Variants in PTDSS1 observed in about 807,000 individuals in gnomAD.
The protein encoded by PTDSS1 is PSS-1.
Under a neutral mutation model 70.5 loss-of-function variants are expected in PTDSS1, and 45 were observed. The observed-to-expected ratio is 0.64, with a 90% CI of 0.50 to 0.82. The LOEUF (loss-of-function observed/expected upper bound fraction) is 0.82. Among genes scored for constraint, PTDSS1 ranks in the 40% least tolerant of loss-of-function variants. The pLI, the probability that PTDSS1 is intolerant of heterozygous loss-of-function variation, is 0.00. For missense variants in PTDSS1, 417 were observed against 586.1 expected (o/e 0.71, Z 2.98); for synonymous variants, 188 against 203.8 (o/e 0.92, Z 0.66).
At chr8:96,303,028 G>A (rs753017449) in intron 6 of PTDSS1, among the ~76,000 whole-genome samples, 1 of 152,078 alleles carries the variant, frequency 6.6e-6, no homozygotes. Flanking sequence ...CCTATTGGTG[G>A]TTTTTTTAAA....
intron 10 of PTDSS1, among the ~76,000 whole-genome samples, chr8:96,329,849 C>T (rs569247769): frequency 2.3e-3 from 351 of 152,202 alleles, no homozygotes; most frequent in Non-Finnish European, 3.5e-3. Context: ...ATGGGGAAGC[C>T]GGGAGAGAAT....
intron 1 of PTDSS1, among the ~76,000 whole-genome samples, chr8:96,270,304 ACTCATGTGGACT>A (rs1023028134): frequency 2.0e-5 from 3 of 151,968 alleles, no homozygotes; most frequent in Non-Finnish European, 4.4e-5. Flanking sequence ...TTTGGGGTCC[ACTCATGTGGACT>A]CTGCAGCCAA....
intron 1 of PTDSS1, among the ~76,000 whole-genome samples, chr8:96,263,655 G>A (rs997067727): frequency 6.6e-6 from 1 of 152,208 alleles, no homozygotes; most frequent in African/African-American, 2.4e-5. Flanking sequence ...CAGAACATGT[G>A]TAGGGATATA....
rs1194725103 is a variant in PTDSS1 at position 96,335,651 on chromosome 8, T to C, written c.*2085T>C. The stretch of plus-strand genomic sequence containing the variant: ...CAGCCAGGAAAGTTCTCAGATACTT[T>C]CCATGCCCTTTCTTTGAGTTGAAAC... On this transcript the variant is annotated 3_prime_UTR_variant, in exon 13 of 13. Coordinates refer to ENST00000517309, the MANE Select transcript of PTDSS1 (RefSeq NM_014754.3). The C allele has an allele frequency of 6.6e-6, 1 of 152,326 alleles. No homozygotes were observed. Among genetic ancestry groups the C allele is most frequent in the Non-Finnish European group, 1.5e-5 (1 of 68,030 alleles). The allele number at this position is 152,326 out of a possible 1,614,324, so 9.4% of individuals were successfully genotyped here. A position where few individuals can be genotyped will look rare whatever the true frequency, so the allele number is the denominator to read the frequency against.
At chr8:96,278,972 CTT>C (rs36085094) in intron 2 of PTDSS1, among the ~76,000 whole-genome samples, 13 of 122,620 alleles carry the variant, frequency 1.1e-4, no homozygotes, top group East Asian at 2.3e-4. Context: ...TTCAGCCCCC[CTT>C]TTTTTTTTTT....
chr8:96,308,092 G>A (rs143684017), intron 8 of PTDSS1, among the ~76,000 whole-genome samples: 234 of 152,348 alleles, frequency 1.5e-3, no homozygotes, highest in African/African-American at 5.3e-3. Context: ...TTTAGCAAAT[G>A]TTAGGTCCCG....
chr8:96,326,281 C>T (rs1811437015), intron 10 of PTDSS1, among the ~76,000 whole-genome samples: 2 of 152,204 alleles, frequency 1.3e-5, no homozygotes, highest in Admixed American at 1.3e-4. Context: ...ATGCTCTGAC[C>T]TCCAAGGCAA....
At chr8:96,290,870 ATATT>A (rs1279976634) in intron 4 of PTDSS1, among the ~76,000 whole-genome samples, 2 of 147,426 alleles carry the variant, frequency 1.4e-5, no homozygotes, top group Admixed American at 1.4e-4. Flanking sequence ...TATAATATAA[ATATT>A]CATAAAATAT....
chr8:96,315,568 T>C (rs1811276255), intron 9 of PTDSS1, among the ~76,000 whole-genome samples: 1 of 152,178 alleles, frequency 6.6e-6, no homozygotes, highest in Admixed American at 6.5e-5. Context: ...CTCCTGACTC[T>C]GGGCTCTACA....
chr8:96,331,572 C>T (rs1811516695), intron 12 of PTDSS1, among the ~76,000 whole-genome samples: 1 of 147,638 alleles, frequency 6.8e-6, no homozygotes, highest in Admixed American at 6.7e-5. Flanking sequence ...AAGACTCTGT[C>T]TCAAAAAAAA....
chr8:96,298,314 A>G (rs1230038983), intron 5 of PTDSS1, among the ~76,000 whole-genome samples: 1 of 152,170 alleles, frequency 6.6e-6, no homozygotes, highest in Non-Finnish European at 1.5e-5. Context: ...TTTCATGAAT[A>G]CTGTTTTATC....
At chr8:96,290,044 G>A (rs968163765) in intron 4 of PTDSS1, among the ~76,000 whole-genome samples, 3 of 152,030 alleles carry the variant, frequency 2.0e-5, no homozygotes, top group African/African-American at 2.4e-5. Context: ...CATAAGCCTC[G>A]TGCATGCATG....
rs183691136 is a variant in PTDSS1, at chr8:96,325,688, T to A, written c.1174-4525T>A. On this transcript the variant is annotated intron_variant, in intron 10 of 12. Transcript: ENST00000517309. ...ATTCTCCATGCTGCTGTCAAAATGA[T>A]CTTCCAAAATTCAGAACTCAATCTC... 2.6e-5 allele frequency among the ~76,000 whole-genome samples: 4 copies of A among 152,316 alleles called. No individual in the cohort carries two copies. The East Asian group carries it at 7.7e-4, about 29-fold the overall frequency.
Position 96,333,509 on chromosome 8 carries a change from C to G in PTDSS1, c.1365C>G (p.Ser455=). Reference sequence around the variant, plus strand: ...CAGGCAACAACGAAAGCCATTCTTCCAGGAGAAGGAATCGGCATTCCAAGT... The same window carrying G: ...CAGGCAACAACGAAAGCCATTCTTCGAGGAGAAGGAATCGGCATTCCAAGT... ...KHAGNNESHS[S]RRRNRHSKSK... is the part of the protein sequence containing the mutation. The change falls in exon 13 of 13, where the codon TCC becomes TCG. Residue 455 remains serine, a synonymous_variant. Transcript: ENST00000517309. 1 of 1,614,072 alleles carries G rather than the reference C, an allele frequency of 6.2e-7. No individual in the cohort carries two copies. The highest frequency in any genetic ancestry group is 8.5e-7 in the Non-Finnish European group (1 of 1,179,988).
intron 6 of PTDSS1, among the ~76,000 whole-genome samples, chr8:96,301,121 A>AC (rs1451713112): frequency 1.3e-5 from 2 of 151,200 alleles, no homozygotes; most frequent in African/African-American, 4.9e-5. Context: ...CCATTTTGTC[A>AC]CCCCCTTTTT....
At chr8:96,331,534 C>T (rs1044738042) in intron 12 of PTDSS1, among the ~76,000 whole-genome samples, 6 of 150,774 alleles carry the variant, frequency 4.0e-5, no homozygotes, top group Admixed American at 2.0e-4. Flanking sequence ...GTCTCAAAAC[C>T]ACGGCACTCC....
At chr8:96,303,537 C>T (rs1384095779) in intron 6 of PTDSS1, among the ~76,000 whole-genome samples, 4 of 152,128 alleles carry the variant, frequency 2.6e-5, no homozygotes, top group Non-Finnish European at 1.5e-5. Context: ...GAATCTGCAC[C>T]CACTCCTCAT....
intron 2 of PTDSS1, among the ~76,000 whole-genome samples, chr8:96,278,168 T>A (rs1367415257): frequency 6.6e-6 from 1 of 152,228 alleles, no homozygotes; most frequent in East Asian, 1.9e-4. Flanking sequence ...TAGAGACCCC[T>A]TTTCTAGCAA....
intron 10 of PTDSS1, among the ~76,000 whole-genome samples, chr8:96,326,084 G>A (rs536110439): frequency 1.3e-5 from 2 of 152,258 alleles, no homozygotes; most frequent in South Asian, 4.2e-4. Flanking sequence ...CATCACATCT[G>A]CCCACGTGTA....
Sources: allele counts gnomAD v4.1 joint callset (sites outside exome capture counted in the v4.1 genomes callset), GRCh38; gene constraint gnomAD v4.1.1; transcripts MANE v1.5; gene names NCBI Gene and HGNC (gene_info 2026-07-23, HGNC 2026-07-21).